The following PCCA variants were observed in gnomAD, a reference collection of about 807,000 sequenced individuals.
The protein encoded by PCCA is propionyl-CoA carboxylase alpha chain, mitochondrial.
In PCCA, 74 loss-of-function variants were observed where a neutral mutation model predicts 101.3. The observed-to-expected ratio is 0.73, with a 90% CI of 0.61 to 0.89. The LOEUF (loss-of-function observed/expected upper bound fraction) is 0.89, where lower values mean the gene tolerates loss of function less well. Ranked by LOEUF, PCCA falls within the 40% of genes least tolerant of loss-of-function variation. The probability of loss-of-function intolerance (pLI) is 0.00; values close to 1 mark genes in which losing one functional copy is unlikely to be tolerated. For missense variants in PCCA, 891 were observed against 907.0 expected (o/e 0.98, Z 0.23); for synonymous variants, 294 against 313.6 (o/e 0.94, Z 0.66).
chr13:100,155,071 T>A lies in PCCA; in HGVS notation c.393T>A (p.Ile131=). Residue 131 remains isoleucine, a synonymous_variant, in exon 5 of 24, where the codon ATT becomes ATA. Transcript: ENST00000376285. ...YLNMDAIMEA[I]KKTRAQAVHP... is the part of the protein sequence containing the mutation. Reference sequence around the variant, plus strand: ...ACATGGATGCCATCATGGAAGCCATTAAGAAAACCAGGGCCCAAGCTGTGA... The same window carrying A: ...ACATGGATGCCATCATGGAAGCCATAAAGAAAACCAGGGCCCAAGCTGTGA... The A allele has an allele frequency of 1.2e-6, 2 of 1,613,054 alleles. No homozygotes were observed. Among genetic ancestry groups the A allele is most frequent in the South Asian group, 2.2e-5 (2 of 91,066 alleles).
At chr13:100,386,876 A>C (rs558960589) in intron 19 of PCCA, among the ~76,000 whole-genome samples, 8 of 152,312 alleles carry the variant, frequency 5.3e-5, no homozygotes, top group Middle Eastern at 3.4e-3. Context: ...CTCTTAGATC[A>C]TATCTTTTTA....
intron 21 of PCCA, among the ~76,000 whole-genome samples, chr13:100,474,468 CTG>C (rs60673572): frequency 0.17 from 22,418 of 129,988 alleles, 1,910 homozygotes; most frequent in Admixed American, 0.25. Flanking sequence ...CTCTCTCTCT[CTG>C]TCTCTGTCTC....
intron 6 of PCCA, among the ~76,000 whole-genome samples, chr13:100,208,868 C>T (rs1213791727): frequency 1.3e-5 from 2 of 152,088 alleles, no homozygotes; most frequent in Admixed American, 1.3e-4. Context: ...TGTTGATATC[C>T]TGTTGTCTTC....
chr13:100,270,364 A>T (rs1054207462), intron 11 of PCCA, among the ~76,000 whole-genome samples: 1 of 152,206 alleles, frequency 6.6e-6, no homozygotes, highest in Non-Finnish European at 1.5e-5. Flanking sequence ...GTGGAACAGT[A>T]AGAGTCTTCA....
chr13:100,424,016 C>T (rs965049616), intron 19 of PCCA, among the ~76,000 whole-genome samples: 1 of 152,204 alleles, frequency 6.6e-6, no homozygotes, highest in Non-Finnish European at 1.5e-5. Context: ...ATGGGCTCTG[C>T]ATCTGTGGAT....
At chr13:100,384,161 G>C (rs2152832291) in intron 19 of PCCA, among the ~76,000 whole-genome samples, 1 of 152,196 alleles carries the variant, frequency 6.6e-6, no homozygotes, top group South Asian at 2.1e-4. Flanking sequence ...GAGTAGCTGG[G>C]ATTACAGGCA....
intron 4 of PCCA, chr13:100,149,789 T>G (rs559012297): frequency 6.6e-6 from 1 of 152,334 alleles, no homozygotes; most frequent in African/African-American, 2.4e-5. Context: ...TTTCCAAACC[T>G]GCTTGTCTTC....
chr13:100,420,592 C>T (rs1333966182), intron 19 of PCCA, among the ~76,000 whole-genome samples: 1 of 152,014 alleles, frequency 6.6e-6, no homozygotes, highest in African/African-American at 2.4e-5. Context: ...AAAACAAAGA[C>T]ATTAACCATC....
intron 2 of PCCA, among the ~76,000 whole-genome samples, chr13:100,109,251 A>G (rs905235547): frequency 1.3e-5 from 2 of 152,116 alleles, no homozygotes; most frequent in Non-Finnish European, 2.9e-5. Context: ...CCCTTATTTT[A>G]CATACCAGGA....
At chr13:100,221,488 T>A (rs2059805559) in intron 7 of PCCA, among the ~76,000 whole-genome samples, 1 of 152,200 alleles carries the variant, frequency 6.6e-6, no homozygotes, top group Admixed American at 6.5e-5. Flanking sequence ...GCATCTGAAT[T>A]TGCAGCCTCT....
At chr13:100,346,525 C>T (rs1161440069) in intron 18 of PCCA, among the ~76,000 whole-genome samples, 2 of 152,132 alleles carry the variant, frequency 1.3e-5, no homozygotes, top group Non-Finnish European at 2.9e-5. Context: ...TTAAGATGGA[C>T]TCTGCTTCTG....
chr13:100,466,403 C>T (rs1292483248), intron 21 of PCCA, among the ~76,000 whole-genome samples: 1 of 152,174 alleles, frequency 6.6e-6, no homozygotes, highest in Admixed American at 6.5e-5. Context: ...AGTGTGTGTT[C>T]CTGAGAAATA....
chr13:100,097,433 G>C (rs1193744728), intron 1 of PCCA, among the ~76,000 whole-genome samples: 3 of 151,712 alleles, frequency 2.0e-5, no homozygotes, highest in Non-Finnish European at 4.4e-5. Flanking sequence ...AAAAATAAAA[G>C]AATGGTCCGG....
intron 2 of PCCA, among the ~76,000 whole-genome samples, chr13:100,110,973 G>A (rs780045302): frequency 2.0e-5 from 3 of 150,696 alleles, no homozygotes; most frequent in Non-Finnish European, 4.4e-5. Context: ...TTGGGATTAC[G>A]GGCATGCACC....
At chr13:100,470,756 G>T (rs2082945117) in intron 21 of PCCA, among the ~76,000 whole-genome samples, 1 of 152,238 alleles carries the variant, frequency 6.6e-6, no homozygotes, top group Admixed American at 6.5e-5. Flanking sequence ...CTACTCGGGA[G>T]GCTGAGGCGG....
chr13:100,193,759 G>T (rs2057898387), intron 6 of PCCA, among the ~76,000 whole-genome samples: 1 of 152,134 alleles, frequency 6.6e-6, no homozygotes, highest in South Asian at 2.1e-4. Flanking sequence ...GCTAAGTATT[G>T]TGAGGAATTG....
intron 21 of PCCA, among the ~76,000 whole-genome samples, chr13:100,506,112 C>A (rs2086055896): frequency 6.6e-6 from 1 of 152,114 alleles, no homozygotes; most frequent in Non-Finnish European, 1.5e-5. Flanking sequence ...CACAGTCGGG[C>A]CTGTTGGCTT....
At chr13:100,415,516 A>G (rs1241810530) in intron 19 of PCCA, among the ~76,000 whole-genome samples, 2 of 152,232 alleles carry the variant, frequency 1.3e-5, no homozygotes, top group Non-Finnish European at 2.9e-5. Context: ...GGAACTAGTT[A>G]TTCCTTTCTG....
At chr13:100,357,308 C>G (rs1159323394) in intron 18 of PCCA, among the ~76,000 whole-genome samples, 1 of 152,162 alleles carries the variant, frequency 6.6e-6, no homozygotes, top group East Asian at 1.9e-4. Context: ...TTAAATGAGG[C>G]ATTTCTTCCT....
Sources: gnomAD v4.1 joint callset for allele counts (sites outside exome capture counted in the v4.1 genomes callset) on GRCh38, gnomAD v4.1.1 for gene constraint, MANE v1.5 for transcripts, NCBI Gene and HGNC (gene_info 2026-07-23, HGNC 2026-07-21) for gene names.